NCOA5: variants seen among roughly 807,000 people sequenced by gnomAD.
NCOA5 encodes NCoA-5.
Under a neutral mutation model 59.0 loss-of-function variants are expected in NCOA5, and 12 were observed. The ratio of observed to expected loss-of-function variants is 0.20; its 90% CI spans 0.13 to 0.33. NCOA5 has a LOEUF of 0.33. Ranked by LOEUF, NCOA5 falls within the 10% of genes least tolerant of loss-of-function variation. The pLI, the probability that NCOA5 is intolerant of heterozygous loss-of-function variation, is 1.00. For missense variants in NCOA5, 655 were observed against 766.6 expected, an observed-to-expected ratio of 0.85 and a Z score of 1.72; for synonymous variants, 270 against 275.5, an observed-to-expected ratio of 0.98 and a Z score of 0.20.
intron 2 of NCOA5, among the ~76,000 whole-genome samples, chr20:46,078,858 C>A (rs1600630143): frequency 6.6e-6 from 1 of 152,302 alleles, no homozygotes; most frequent in East Asian, 1.9e-4. Flanking sequence ...CCTTCGAGAG[C>A]TGGAGTGTTT....
intron 1 of NCOA5, among the ~76,000 whole-genome samples, chr20:46,079,657 G>C (rs2084971188): frequency 6.6e-6 from 1 of 152,188 alleles, no homozygotes; most frequent in Non-Finnish European, 1.5e-5. Flanking sequence ...GGTAAGAAAT[G>C]TCCCTTCGTT....
chr20:46,062,155 GAAGA>G lies in NCOA5; in HGVS notation c.*141_*144del, dbSNP rs1188955514. ...GGAATAAGCAACACAGCCTTGGGCA[GAAGA>G]GAGAGCAGGTGGTAGAAATTGATGA... is the stretch of plus-strand genomic sequence containing the variant. On this transcript the variant is annotated 3_prime_UTR_variant, in exon 8 of 8. Coordinates refer to ENST00000290231, the MANE Select transcript of NCOA5 (RefSeq NM_020967.3). The G allele has an allele frequency of 3.5e-5, 22 of 627,126 alleles. No individual in the cohort carries two copies. Among genetic ancestry groups the G allele is most frequent in the Admixed American group, 8.8e-5 (3 of 33,968 alleles). The allele number at this position is 627,126 out of a possible 1,614,324, so 38.8% of individuals were successfully genotyped here.
chr20:46,086,402 A>ATATTTATGG (rs2085045929), intron 1 of NCOA5, among the ~76,000 whole-genome samples: 1 of 152,200 alleles, frequency 6.6e-6, no homozygotes, highest in South Asian at 2.1e-4. Context: ...GACCATTCCC[A>ATATTTATGG]TAAATATTCA....
intron 6 of NCOA5, among the ~76,000 whole-genome samples, chr20:46,064,653 G>C (rs933928858): frequency 6.6e-6 from 1 of 152,234 alleles, no homozygotes. Context: ...AGAGCCAACT[G>C]TGTACATTTC....
intron 4 of NCOA5, among the ~76,000 whole-genome samples, chr20:46,067,864 CAT>C (rs2084840926): frequency 6.6e-6 from 1 of 151,882 alleles, no homozygotes; most frequent in African/African-American, 2.4e-5. Flanking sequence ...GATAGTCAGT[CAT>C]AGTTACTTGG....
chr20:46,087,024 C>T (rs755791294), intron 1 of NCOA5, among the ~76,000 whole-genome samples: 1 of 152,148 alleles, frequency 6.6e-6, no homozygotes, highest in South Asian at 2.1e-4. Context: ...ATTATGTGAT[C>T]TGGGGCAAGA....
intron 3 of NCOA5, among the ~76,000 whole-genome samples, 153 bp from the exon 4 acceptor site, chr20:46,068,791 C>T (rs2084851396): frequency 6.6e-6 from 1 of 152,126 alleles, no homozygotes; most frequent in South Asian, 2.1e-4. Flanking sequence ...ACCTGTCTCA[C>T]TGAGATGATG....
intron 1 of NCOA5, 77 bp from the exon 2 acceptor site, chr20:46,079,530 A>T: frequency 8.2e-7 from 1 of 1,220,334 alleles, no homozygotes. Context: ...AAATGAAAGC[A>T]ACAACAACAA....
At chr20:46,074,028 G>T (rs182533069) in intron 2 of NCOA5, among the ~76,000 whole-genome samples, 1 of 152,322 alleles carries the variant, frequency 6.6e-6, no homozygotes, top group African/African-American at 2.4e-5. Flanking sequence ...AAGGCATGGT[G>T]GAAGTAGGGA....
intron 7 of NCOA5, 121 bp downstream of exon 7, chr20:46,063,239 G>A: frequency 1.0e-6 from 1 of 972,138 alleles, no homozygotes; most frequent in Non-Finnish European, 1.5e-6. Flanking sequence ...AGAACCCAAG[G>A]GATGGACTTA....
chr20:46,070,127 C>A (rs762428690), intron 3 of NCOA5, 83 bp downstream of exon 3: 4 of 1,094,090 alleles, frequency 3.7e-6, no homozygotes, highest in Non-Finnish European at 5.3e-6. Flanking sequence ...AAAATGACTG[C>A]TCTTACAGAG....
intron 2 of NCOA5, among the ~76,000 whole-genome samples, chr20:46,078,608 T>C (rs1054687158): frequency 2.8e-5 from 4 of 144,904 alleles, no homozygotes; most frequent in African/African-American, 1.2e-4. Context: ...ATCATATCTG[T>C]CTGCCCTCTA....
chr20:46,061,948 C>T lies in NCOA5; in HGVS notation c.*352G>A, dbSNP rs1250295649. On this transcript the variant is annotated 3_prime_UTR_variant, in exon 8 of 8. Coordinates refer to ENST00000290231, the MANE Select transcript of NCOA5 (RefSeq NM_020967.3). ...AATGAACAAAGGTGGTGGCTACTGACATGACAAATGCCATTCCAAACTTGG... is the reference window on the plus strand; with the variant it reads ...AATGAACAAAGGTGGTGGCTACTGATATGACAAATGCCATTCCAAACTTGG... 1 of 190,142 alleles carries T rather than the reference C, an allele frequency of 5.3e-6. No individual in the cohort carries two copies. The highest frequency in any genetic ancestry group is 1.1e-5 in the Non-Finnish European group (1 of 90,882). The allele number at this position is 190,142 out of a possible 1,614,324, so 11.8% of individuals were successfully genotyped here. A position where few individuals can be genotyped will look rare whatever the true frequency, so the allele number is the denominator to read the frequency against.
chr20:46,074,954 T>C (rs1003892071), intron 2 of NCOA5, among the ~76,000 whole-genome samples: 4 of 152,360 alleles, frequency 2.6e-5, no homozygotes, highest in African/African-American at 9.6e-5. Context: ...CGGAATGTCT[T>C]CCTTGGGAGG....
At chr20:46,089,091 C>G (rs1211895533) in intron 1 of NCOA5, among the ~76,000 whole-genome samples, 2 of 152,232 alleles carry the variant, frequency 1.3e-5, no homozygotes, top group Non-Finnish European at 1.5e-5. Context: ...GAGACTGAAA[C>G]GTGTGCAACG....
chr20:46,073,560 A>T (rs2084906828), intron 2 of NCOA5, among the ~76,000 whole-genome samples: 1 of 152,198 alleles, frequency 6.6e-6, no homozygotes. Context: ...TTTTTGGATT[A>T]ATGATCGGCA....
intron 1 of NCOA5, among the ~76,000 whole-genome samples, chr20:46,081,566 T>C (rs2084992493): frequency 6.6e-6 from 1 of 152,170 alleles, no homozygotes; most frequent in South Asian, 2.1e-4. Context: ...TGCCTCGTAG[T>C]ATCTATTTTC....
At chr20:46,088,973 G>A (rs905396096) in intron 1 of NCOA5, among the ~76,000 whole-genome samples, 32 of 152,262 alleles carry the variant, frequency 2.1e-4, no homozygotes, top group African/African-American at 7.2e-4. Context: ...TGAAGTTGCC[G>A]CCTTAAATAT....
chr20:46,074,716 GGGTGTGCA>G (rs1043003334), intron 2 of NCOA5, among the ~76,000 whole-genome samples: 2 of 152,202 alleles, frequency 1.3e-5, no homozygotes, highest in Non-Finnish European at 2.9e-5. Flanking sequence ...AGGACTAAAG[GGGTGTGCA>G]GAGCACCAGG....
Sources: allele counts gnomAD v4.1 joint callset (sites outside exome capture counted in the v4.1 genomes callset), GRCh38; gene constraint gnomAD v4.1.1; transcripts MANE v1.5; gene names NCBI Gene and HGNC (gene_info 2026-07-23, HGNC 2026-07-21).